Variants in NRG1 observed in about 807,000 individuals in gnomAD.
NRG1 encodes pro-neuregulin-1, membrane-bound isoform.
Under a neutral mutation model 63.8 loss-of-function variants are expected in NRG1, and 18 were observed. That is an observed-to-expected ratio of 0.28 (90% CI 0.19 to 0.42). The LOEUF (loss-of-function observed/expected upper bound fraction) is 0.42. Among genes scored for constraint, NRG1 ranks in the 10% least tolerant of loss-of-function variants. The pLI, the probability that NRG1 is intolerant of heterozygous loss-of-function variation, is 1.00. For missense variants in NRG1, 762 were observed against 814.7 expected (o/e 0.94, Z 0.79); for synonymous variants, 302 against 301.3 (o/e 1.00, Z -0.02).
intron 1 of NRG1, among the ~76,000 whole-genome samples, chr8:32,378,986 A>G (rs1049932878): frequency 6.6e-6 from 1 of 152,120 alleles, no homozygotes; most frequent in Non-Finnish European, 1.5e-5. Flanking sequence ...TCCATGGTGT[A>G]TATGTGCCAC....
chr8:32,366,677 GTATATATATATATATATATATATATA>G (rs71208175), intron 1 of NRG1, among the ~76,000 whole-genome samples: 12 of 87,518 alleles, frequency 1.4e-4, no homozygotes, highest in South Asian at 1.1e-3. Flanking sequence ...GTGTGTGTGT[GTATATATATATATATATATATATATA>G]TATATATATA....
At chr8:32,158,089 G>A (rs878869509) in intron 1 of NRG1, among the ~76,000 whole-genome samples, 4 of 152,114 alleles carry the variant, frequency 2.6e-5, no homozygotes, top group Admixed American at 2.6e-4. Flanking sequence ...TAGGATGGAA[G>A]GAGAGATTTG....
chr8:32,763,069 C>T (rs1831006634), intron 11 of NRG1: 1 of 799,252 alleles, frequency 1.3e-6, no homozygotes, highest in African/African-American at 1.7e-5. Context: ...TCAGGCTTAC[C>T]TTTGACTGTG....
chr8:32,016,263 A>G (rs1815522603), intron 1 of NRG1, among the ~76,000 whole-genome samples: 1 of 151,988 alleles, frequency 6.6e-6, no homozygotes, highest in Non-Finnish European at 1.5e-5. Flanking sequence ...GGGTCTTGCT[A>G]TGTTGCCCAG....
chr8:31,837,477 A>G (rs1452663221), intron 1 of NRG1, among the ~76,000 whole-genome samples: 1 of 152,082 alleles, frequency 6.6e-6, no homozygotes, highest in Non-Finnish European at 1.5e-5. Context: ...TAGCATATCA[A>G]TCACCTTAAA....
At chr8:32,375,321 G>A (rs1809482421) in intron 1 of NRG1, among the ~76,000 whole-genome samples, 1 of 152,078 alleles carries the variant, frequency 6.6e-6, no homozygotes, top group African/African-American at 2.4e-5. Flanking sequence ...GTACTCTGTG[G>A]TGAGAAATAA....
intron 7 of NRG1, chr8:32,749,661 T>C (rs1828289943): frequency 4.2e-6 from 6 of 1,413,510 alleles, no homozygotes; most frequent in Non-Finnish European, 5.9e-6. Flanking sequence ...CTTCCTACTC[T>C]TACCTTTCAG....
At chr8:32,048,146 T>C (rs1233692425) in intron 1 of NRG1, among the ~76,000 whole-genome samples, 1 of 151,840 alleles carries the variant, frequency 6.6e-6, no homozygotes, top group Non-Finnish European at 1.5e-5. Flanking sequence ...TATCCATTCA[T>C]CCACTGATGG....
At chr8:32,070,464 A>G (rs568869644) in intron 1 of NRG1, among the ~76,000 whole-genome samples, 1 of 152,346 alleles carries the variant, frequency 6.6e-6, no homozygotes, top group South Asian at 2.1e-4. Flanking sequence ...TGTTTTAACA[A>G]ATGAAATTTA....
At chr8:32,632,497 T>C (rs2466079) in intron 5 of NRG1, among the ~76,000 whole-genome samples, 96,126 of 148,222 alleles carry the variant, frequency 0.65, 32,348 homozygotes, top group African/African-American at 0.83. Flanking sequence ...TGCGGTGAGC[T>C]GAGATCACGC....
intron 1 of NRG1, among the ~76,000 whole-genome samples, chr8:32,470,938 T>C (rs1029221689): frequency 1.3e-5 from 2 of 152,150 alleles, no homozygotes; most frequent in Non-Finnish European, 2.9e-5. Context: ...GCTGGGACTA[T>C]AGGCGCATGC....
intron 1 of NRG1, among the ~76,000 whole-genome samples, chr8:32,170,008 A>G (rs1394795692): frequency 6.6e-6 from 1 of 152,238 alleles, no homozygotes; most frequent in East Asian, 1.9e-4. Flanking sequence ...GAAGAACACC[A>G]TGTGAAGACA....
At chr8:32,167,296 C>A (rs893485347) in intron 1 of NRG1, among the ~76,000 whole-genome samples, 2 of 152,098 alleles carry the variant, frequency 1.3e-5, no homozygotes, top group African/African-American at 4.8e-5. Flanking sequence ...CCTCCTGTTA[C>A]GTAAATCAGA....
intron 1 of NRG1, among the ~76,000 whole-genome samples, chr8:32,538,269 T>A (rs965831220): frequency 1.3e-5 from 2 of 152,250 alleles, no homozygotes; most frequent in Admixed American, 6.5e-5. Context: ...AATCAAAAAA[T>A]ATCAACTATA....
chr8:32,226,397 G>A (rs1846327186), intron 1 of NRG1, among the ~76,000 whole-genome samples: 1 of 152,014 alleles, frequency 6.6e-6, no homozygotes, highest in Admixed American at 6.6e-5. Flanking sequence ...TGTTCTGGTT[G>A]GCAGACATTT....
chr8:32,203,800 C>T (rs1351645441), intron 1 of NRG1, among the ~76,000 whole-genome samples: 1 of 152,144 alleles, frequency 6.6e-6, no homozygotes, highest in African/African-American at 2.4e-5. Flanking sequence ...ATGGCACTTA[C>T]ATTCATGTAC....
In NRG1 at chr8:32,138,307, A is replaced by G. The variant is rs146336743; in HGVS notation, c.38-457521A>G. On this transcript the variant is annotated intron_variant, in intron 1 of 10. Transcript: ENST00000519301. ...GTCTGTGCTCTCTATGAGGATCTGCATTTAAGCCCAACACCCAAGGAAGGC... is the reference window on the plus strand; with the variant it reads ...GTCTGTGCTCTCTATGAGGATCTGCGTTTAAGCCCAACACCCAAGGAAGGC... Among the ~76,000 whole-genome samples the G allele has an allele frequency of 7.9e-5, 12 of 152,190 alleles. No individual in the cohort carries two copies. The East Asian group carries it at 2.3e-3, about 30-fold the overall frequency.
chr8:31,907,680 A>C lies in NRG1; in HGVS notation c.37+268249A>C, dbSNP rs534895913. 4.6e-5 allele frequency among the ~76,000 whole-genome samples: 7 copies of C among 152,274 alleles called. No individual in the cohort carries two copies. The South Asian group carries it at 1.5e-3, about 32-fold the overall frequency. ...GATGCTTGTGTTTTGAGGAGTTAAAATTCTCAATGTAATAGAAGACTCTAT... is the reference window on the plus strand; with the variant it reads ...GATGCTTGTGTTTTGAGGAGTTAAACTTCTCAATGTAATAGAAGACTCTAT... On this transcript the variant is annotated intron_variant, in intron 1 of 10. Transcript: ENST00000519301.
At chr8:32,773,472 C>T (rs1323385978) in intron 7 of NRG1, among the ~76,000 whole-genome samples, 1 of 152,164 alleles carries the variant, frequency 6.6e-6, no homozygotes, top group African/African-American at 2.4e-5. Flanking sequence ...AACATCTCCT[C>T]ATCTGGTTAG....
Sources: allele counts gnomAD v4.1 joint callset (sites outside exome capture counted in the v4.1 genomes callset), GRCh38; gene constraint gnomAD v4.1.1; transcripts MANE v1.5; gene names NCBI Gene and HGNC (gene_info 2026-07-23, HGNC 2026-07-21).